The following SERPINE2 variants were observed in gnomAD, a reference collection of about 807,000 sequenced individuals.
The protein encoded by SERPINE2 is glia-derived nexin.
SERPINE2 carries 14 observed loss-of-function variants against 36.3 expected under a neutral mutation model. The observed-to-expected ratio is 0.39, with a 90% CI of 0.25 to 0.60. The LOEUF is 0.60. Ranked by LOEUF, SERPINE2 falls within the 20% of genes least tolerant of loss-of-function variation. The pLI, the probability that SERPINE2 is intolerant of heterozygous loss-of-function variation, is 0.57. For synonymous variants in SERPINE2, 192 were observed against 191.8 expected, an observed-to-expected ratio of 1.00 and a Z score of -0.01; for missense variants, 418 against 499.6, an observed-to-expected ratio of 0.84 and a Z score of 1.56.
At chr2:224,019,769 A>ATTTTTTTT (rs1559216905) in intron 1 of SERPINE2, among the ~76,000 whole-genome samples, 131 of 8,102 alleles carry the variant, frequency 0.016, no homozygotes, top group South Asian at 0.14. Context: ...TTTTTTTAAA[A>ATTTTTTTT]AAAAAAAAAG....
chr2:224,031,765 C>CT (rs1344235256), intron 1 of SERPINE2, among the ~76,000 whole-genome samples: 3 of 149,272 alleles, frequency 2.0e-5, no homozygotes, highest in Admixed American at 2.0e-4. Flanking sequence ...CCCCACCCCC[C>CT]CCGCCGGCTG....
chr2:223,999,493 G>C (rs1691024387), intron 2 of SERPINE2, among the ~76,000 whole-genome samples: 1 of 152,166 alleles, frequency 6.6e-6, no homozygotes, highest in South Asian at 2.1e-4. Flanking sequence ...GAGGGGGGCA[G>C]TCTTCTCAGG....
chr2:224,017,220 T>A (rs925253404), intron 1 of SERPINE2, among the ~76,000 whole-genome samples: 1 of 152,084 alleles, frequency 6.6e-6, no homozygotes. Context: ...ATAATGCCTT[T>A]GCAGGAAACC....
At chr2:224,010,698 C>T (rs370111799) in intron 1 of SERPINE2, among the ~76,000 whole-genome samples, 2 of 152,172 alleles carry the variant, frequency 1.3e-5, no homozygotes, top group East Asian at 3.9e-4. Context: ...TATTAGAAAT[C>T]ATATCTCAAG....
At chr2:223,986,330 AC>A (rs1427520802) in intron 4 of SERPINE2, among the ~76,000 whole-genome samples, 6 of 152,120 alleles carry the variant, frequency 3.9e-5, no homozygotes, top group African/African-American at 1.4e-4. Context: ...CTGTTCAGTA[AC>A]CCGGGTGCAG....
intron 4 of SERPINE2, among the ~76,000 whole-genome samples, chr2:223,986,990 G>C (rs139632849): frequency 9.2e-5 from 14 of 152,090 alleles, no homozygotes; most frequent in African/African-American, 3.4e-4. Flanking sequence ...CTTTCTACCT[G>C]GTCACTCAAG....
chr2:223,986,438 CTT>C (rs1027274885), intron 4 of SERPINE2, among the ~76,000 whole-genome samples: 2 of 152,272 alleles, frequency 1.3e-5, no homozygotes, highest in Middle Eastern at 6.8e-3. Context: ...CGTCTTTACT[CTT>C]AGCCTGCATA....
intron 1 of SERPINE2, chr2:224,029,923 C>T (rs572962878): frequency 8.1e-5 from 33 of 407,694 alleles, no homozygotes; most frequent in South Asian, 5.0e-4. Context: ...TTTTGAATTC[C>T]GAGCCTCAAG....
chr2:224,015,777 A>C (rs1355097663), intron 1 of SERPINE2, among the ~76,000 whole-genome samples: 1 of 152,322 alleles, frequency 6.6e-6, no homozygotes, highest in East Asian at 1.9e-4. Flanking sequence ...AAAAACTGAT[A>C]AACTGAAAAA....
At chr2:224,037,402 G>T (rs1045893155) in intron 1 of SERPINE2, among the ~76,000 whole-genome samples, 16 of 152,324 alleles carry the variant, frequency 1.1e-4, no homozygotes, top group African/African-American at 3.8e-4. Context: ...GAGGCACTAA[G>T]AGTTTTCAGA....
chr2:224,031,070 G>C (rs773700286), intron 1 of SERPINE2: 14 of 983,890 alleles, frequency 1.4e-5, no homozygotes, highest in Non-Finnish European at 1.6e-5. Context: ...GAAAGGAGGA[G>C]TGTGCTTTGA....
intron 3 of SERPINE2, among the ~76,000 whole-genome samples, chr2:223,993,530 ATGTGTGTGTG>A (rs36049464): frequency 2.3e-3 from 352 of 149,898 alleles, no homozygotes; most frequent in Admixed American, 4.5e-3. Context: ...GCTCAAATAT[ATGTGTGTGTG>A]TGTGTGTGTG....
At position 224,006,527 on chromosome 2, in the gene SERPINE2, T is replaced by C. The variant is rs561842397; in HGVS notation, c.-22-4605A>G. ...CTCTTCTTTGAATTCCTATAGCATTTCCTATTTGCCTGTCTCATTTTAGTT... is the reference window on the plus strand; with the variant it reads ...CTCTTCTTTGAATTCCTATAGCATTCCCTATTTGCCTGTCTCATTTTAGTT... On this transcript the variant is annotated intron_variant, in intron 1 of 8. Transcript: ENST00000409304. Among the ~76,000 whole-genome samples, 8 of 152,292 alleles carry C rather than the reference T, an allele frequency of 5.3e-5. No homozygotes were observed. The South Asian group carries it at 1.0e-3, about 20-fold the overall frequency.
intron 1 of SERPINE2, among the ~76,000 whole-genome samples, chr2:224,005,326 A>G (rs889819227): frequency 6.6e-6 from 1 of 151,866 alleles, no homozygotes; most frequent in African/African-American, 2.4e-5. Context: ...AGAGCTGTCT[A>G]TGTACAGTTT....
At chr2:223,977,338 A>G (rs946550219) in intron 8 of SERPINE2, among the ~76,000 whole-genome samples, 2 of 152,248 alleles carry the variant, frequency 1.3e-5, no homozygotes, top group Non-Finnish European at 2.9e-5. Context: ...AAATCCTGTC[A>G]GTGTGTAAAA....
chr2:224,009,475 G>C (rs952853867), intron 1 of SERPINE2, among the ~76,000 whole-genome samples: 5 of 152,258 alleles, frequency 3.3e-5, no homozygotes, highest in African/African-American at 1.2e-4. Flanking sequence ...TGGGCAGAGT[G>C]CTTGAGGCCA....
intron 3 of SERPINE2, 151 bp from the exon 4 acceptor site, chr2:223,992,151 T>G: frequency 1.5e-6 from 1 of 656,474 alleles, no homozygotes; most frequent in Non-Finnish European, 2.6e-6. Context: ...CTTTTGTACT[T>G]TCTAGGTTCC....
chr2:224,031,022 A>G (rs529180043), intron 1 of SERPINE2: 2 of 985,482 alleles, frequency 2.0e-6, no homozygotes, highest in Admixed American at 1.2e-4. Context: ...TGGTTGTGAT[A>G]CTAGGGCTAT....
At chr2:224,019,159 C>T (rs1287786296) in intron 1 of SERPINE2, among the ~76,000 whole-genome samples, 1 of 152,090 alleles carries the variant, frequency 6.6e-6, no homozygotes, top group African/African-American at 2.4e-5. Context: ...CCTATATACA[C>T]TATGTTTTTT....
Sources: gnomAD v4.1 joint callset for allele counts (sites outside exome capture counted in the v4.1 genomes callset) on GRCh38, gnomAD v4.1.1 for gene constraint, MANE v1.5 for transcripts, NCBI Gene and HGNC (gene_info 2026-07-23, HGNC 2026-07-21) for gene names.